Variants in PDE4D observed in about 807,000 individuals in gnomAD.
PDE4D encodes the protein 3',5'-cyclic-AMP phosphodiesterase 4D.
Under a neutral mutation model 87.4 loss-of-function variants are expected in PDE4D, and 24 were observed. The observed-to-expected ratio is 0.27, with a 90% CI of 0.20 to 0.39. PDE4D has a LOEUF of 0.39. Among genes scored for constraint, PDE4D ranks in the 10% least tolerant of loss-of-function variants. The probability of loss-of-function intolerance (pLI) is 1.00; values close to 1 mark genes in which losing one functional copy is unlikely to be tolerated. For missense variants in PDE4D, 714 were observed against 1,041.0 expected, an observed-to-expected ratio of 0.69 and a Z score of 4.32; for synonymous variants, 384 against 383.2, an observed-to-expected ratio of 1.00 and a Z score of -0.02.
At chr5:59,124,761 T>C (rs1317339226) in intron 5 of PDE4D, among the ~76,000 whole-genome samples, 2 of 152,194 alleles carry the variant, frequency 1.3e-5, no homozygotes, top group African/African-American at 4.8e-5. Flanking sequence ...TGTGAACAGG[T>C]TGACTATTTC....
intron 2 of PDE4D, among the ~76,000 whole-genome samples, chr5:60,156,139 C>A (rs1781957070): frequency 1.3e-5 from 2 of 152,166 alleles, no homozygotes; most frequent in Non-Finnish European, 1.5e-5. Flanking sequence ...GGGCTAGCCA[C>A]AGGATAAAAC....
At chr5:59,127,615 C>T (rs13177495) in intron 5 of PDE4D, among the ~76,000 whole-genome samples, 15,197 of 109,742 alleles carry the variant, frequency 0.14, 1,006 homozygotes, top group South Asian at 0.23. Flanking sequence ...ACCCCCCCAC[C>T]CCCCACCTCA....
At chr5:59,685,637 TTTAAAC>T (rs1749730856) in intron 1 of PDE4D, among the ~76,000 whole-genome samples, 2 of 152,206 alleles carry the variant, frequency 1.3e-5, no homozygotes, top group African/African-American at 4.8e-5. Flanking sequence ...TCTCAAGTCT[TTTAAAC>T]TACTCTGCCT....
At chr5:59,409,922 T>C (rs1164077711) in intron 1 of PDE4D, among the ~76,000 whole-genome samples, 1 of 152,226 alleles carries the variant, frequency 6.6e-6, no homozygotes, top group Non-Finnish European at 1.5e-5. Flanking sequence ...GTTATTTTTA[T>C]TTTTAATTTT....
chr5:59,998,268 A>G (rs1739066251), intron 2 of PDE4D, among the ~76,000 whole-genome samples: 1 of 151,596 alleles, frequency 6.6e-6, no homozygotes, highest in Non-Finnish European at 1.5e-5. Flanking sequence ...TAGGAGGCAT[A>G]AAACTATAAG....
intron 3 of PDE4D, among the ~76,000 whole-genome samples, chr5:59,965,435 G>C (rs1003226092): frequency 3.9e-5 from 6 of 152,096 alleles, no homozygotes; most frequent in Non-Finnish European, 7.4e-5. Flanking sequence ...CTAACCTCTT[G>C]ATCCATGAGA....
intron 1 of PDE4D, among the ~76,000 whole-genome samples, chr5:59,523,363 C>T (rs140729907): frequency 2.2e-4 from 33 of 152,290 alleles, no homozygotes; most frequent in African/African-American, 5.8e-4. Context: ...TAAGATATTA[C>T]GCAAACTAAA....
At chr5:60,331,420 C>T (rs933852028) in intron 1 of PDE4D, among the ~76,000 whole-genome samples, 8 of 152,252 alleles carry the variant, frequency 5.3e-5, no homozygotes, top group African/African-American at 1.9e-4. Flanking sequence ...TCTCCTACCC[C>T]TCCTTCTCTT....
intron 2 of PDE4D, among the ~76,000 whole-genome samples, chr5:60,167,300 C>T (rs1310113418): frequency 7.6e-4 from 94 of 124,046 alleles, no homozygotes; most frequent in African/African-American, 2.9e-3. Flanking sequence ...GACGGAGTCT[C>T]GCTGTCGCCC....
chr5:59,118,565 T>C (rs898405373), intron 5 of PDE4D, among the ~76,000 whole-genome samples: 3 of 152,238 alleles, frequency 2.0e-5, no homozygotes, highest in African/African-American at 7.2e-5. Flanking sequence ...ATGGACTTTA[T>C]GACACTGTTG....
At chr5:60,497,716 C>G (rs1179292152) in intron 1 of PDE4D, among the ~76,000 whole-genome samples, 4 of 152,248 alleles carry the variant, frequency 2.6e-5, no homozygotes, top group South Asian at 4.1e-4. Context: ...ACCTGTAATT[C>G]TTTCAGAAGT....
chr5:59,438,373 C>T (rs551535019), intron 1 of PDE4D, among the ~76,000 whole-genome samples: 4 of 152,256 alleles, frequency 2.6e-5, no homozygotes, highest in Non-Finnish European at 4.4e-5. Flanking sequence ...AGATATATGA[C>T]TTGTCTTTAA....
chr5:59,992,711 C>T (rs570715919), intron 2 of PDE4D, among the ~76,000 whole-genome samples: 14 of 152,144 alleles, frequency 9.2e-5, no homozygotes, highest in African/African-American at 2.4e-4. Context: ...TGCCTCAAGA[C>T]GTAACTTTTT....
At chr5:59,150,579 C>A (rs1012313275) in intron 5 of PDE4D, among the ~76,000 whole-genome samples, 1 of 152,036 alleles carries the variant, frequency 6.6e-6, no homozygotes, top group Non-Finnish European at 1.5e-5. Flanking sequence ...ATCTCAAGAG[C>A]TTTGATTAGG....
chr5:59,460,572 A>T (rs1304735425), intron 1 of PDE4D, among the ~76,000 whole-genome samples: 2 of 152,140 alleles, frequency 1.3e-5, no homozygotes, highest in Non-Finnish European at 2.9e-5. Flanking sequence ...GGTCGTCTGG[A>T]CAATATGCTA....
rs150156105 is a variant in PDE4D at position 59,387,649 on chromosome 5, G to C, written c.456-171681C>G. ...CAAGGCTAAGCTGTAATTCTAAAAG[G>C]TATATATATATTTAAAAATTGACAA... On this transcript the variant is annotated intron_variant, in intron 1 of 14. Transcript: ENST00000340635. 9.1e-3 allele frequency among the ~76,000 whole-genome samples: 1,385 copies of C among 151,894 alleles called. 27 individuals are homozygous for C. The highest frequency in any genetic ancestry group is 0.032 in the African/African-American group (1,328 of 41,428).
At chr5:60,265,210 G>A (rs929364585) in intron 1 of PDE4D, among the ~76,000 whole-genome samples, 1 of 152,126 alleles carries the variant, frequency 6.6e-6, no homozygotes, top group Non-Finnish European at 1.5e-5. Flanking sequence ...CACAGCCCAG[G>A]GGAGGACAAT....
At chr5:60,395,302 G>GT (rs35241782) in intron 1 of PDE4D, among the ~76,000 whole-genome samples, 47,664 of 150,178 alleles carry the variant, frequency 0.32, 8,567 homozygotes, top group East Asian at 0.53. Context: ...AAAATGTAAG[G>GT]TTTTTTTTTT....
At chr5:60,471,251 TG>T (rs1255854076) in intron 1 of PDE4D, among the ~76,000 whole-genome samples, 1 of 152,146 alleles carries the variant, frequency 6.6e-6, no homozygotes, top group Non-Finnish European at 1.5e-5. Context: ...AAGATGTGAT[TG>T]AATTTCTGCA....
Sources: allele counts gnomAD v4.1 joint callset (sites outside exome capture counted in the v4.1 genomes callset), GRCh38; gene constraint gnomAD v4.1.1; transcripts MANE v1.5; gene names NCBI Gene and HGNC (gene_info 2026-07-23, HGNC 2026-07-21).